Variants in GRIA1 observed in about 807,000 individuals in gnomAD.
The protein encoded by GRIA1 is glutamate receptor 1.
GRIA1 carries 31 observed loss-of-function variants against 99.2 expected under a neutral mutation model. That is an observed-to-expected ratio of 0.31 (90% CI 0.23 to 0.42). GRIA1 has a LOEUF of 0.42. Ranked by LOEUF, GRIA1 falls within the 10% of genes least tolerant of loss-of-function variation. The probability of loss-of-function intolerance (pLI) is 1.00; values close to 1 mark genes in which losing one functional copy is unlikely to be tolerated. For missense variants in GRIA1, 782 were observed against 1,157.5 expected (o/e 0.68, Z 4.71); for synonymous variants, 438 against 432.4 (o/e 1.01, Z -0.16).
In GRIA1 at chr5:153,759,871, G is replaced by A. The variant is rs138929182; in HGVS notation, c.1824-4563G>A. 8.1e-3 allele frequency among the ~76,000 whole-genome samples: 1,234 copies of A among 152,170 alleles called. 7 individuals are homozygous for A. The highest frequency in any genetic ancestry group is 0.014 in the Middle Eastern group (4 of 292). ...CCATAATCAAGTAGGATTCAGCCCA[G>A]GGATGCAAGAATGGTTCAACATATT... On this transcript the variant is annotated intron_variant, in intron 11 of 15. Transcript: ENST00000285900.
intron 11 of GRIA1, among the ~76,000 whole-genome samples, chr5:153,759,746 AAG>A (rs1763057760): frequency 6.6e-6 from 1 of 152,064 alleles, no homozygotes; most frequent in African/African-American, 2.4e-5. Flanking sequence ...CACAACAAAA[AAG>A]AAAACTACAG....
At chr5:153,774,174 G>C (rs895074350) in intron 13 of GRIA1, among the ~76,000 whole-genome samples, 1 of 146,224 alleles carries the variant, frequency 6.8e-6, no homozygotes, top group Non-Finnish European at 1.5e-5. Context: ...AAACTCCAAA[G>C]AGTTATGGCA....
chr5:153,535,586 G>A (rs184932295), intron 2 of GRIA1, among the ~76,000 whole-genome samples: 24 of 152,330 alleles, frequency 1.6e-4, no homozygotes, highest in South Asian at 8.3e-4. Context: ...GGTGAGTAAT[G>A]TGAATGTGAA....
chr5:153,490,576 G>A (rs1238943970), upstream of GRIA1: 2 of 447,080 alleles, frequency 4.5e-6, no homozygotes, highest in East Asian at 4.6e-5. Context: ...GAGAGCAAGG[G>A]AGGGAGAGAG....
At chr5:153,647,617 G>T (rs1251460489) in intron 3 of GRIA1, among the ~76,000 whole-genome samples, 1 of 152,062 alleles carries the variant, frequency 6.6e-6, no homozygotes, top group East Asian at 1.9e-4. Context: ...ATCTTATAAA[G>T]GTTTTGTGAA....
At chr5:153,804,601 A>C (rs1766287838) in intron 15 of GRIA1, among the ~76,000 whole-genome samples, 1 of 152,230 alleles carries the variant, frequency 6.6e-6, no homozygotes, top group Non-Finnish European at 1.5e-5. Flanking sequence ...AAGACACAGT[A>C]CAGCATCATC....
chr5:153,704,742 G>T (rs543857664), intron 10 of GRIA1, among the ~76,000 whole-genome samples: 2 of 152,046 alleles, frequency 1.3e-5, no homozygotes, highest in Non-Finnish European at 2.9e-5. Flanking sequence ...AACTTTATAT[G>T]CCACCTCTTC....
chr5:153,722,648 G>C (rs1189845014), intron 11 of GRIA1, among the ~76,000 whole-genome samples: 3 of 152,144 alleles, frequency 2.0e-5, no homozygotes, highest in African/African-American at 7.2e-5. Context: ...TCTTGATTCT[G>C]TTCTGTTGAT....
At chr5:153,555,516 T>G (rs2149346214) in intron 2 of GRIA1, among the ~76,000 whole-genome samples, 1 of 152,320 alleles carries the variant, frequency 6.6e-6, no homozygotes, top group East Asian at 1.9e-4. Flanking sequence ...TGTAATAGAT[T>G]GTTACATAAC....
intron 5 of GRIA1, among the ~76,000 whole-genome samples, chr5:153,657,247 T>G (rs1755024393): frequency 6.6e-6 from 1 of 152,234 alleles, no homozygotes; most frequent in Admixed American, 6.5e-5. Context: ...GTTTAACATT[T>G]TGAGGAACTC....
chr5:153,701,486 C>T (rs916256353), intron 10 of GRIA1, among the ~76,000 whole-genome samples: 6 of 151,594 alleles, frequency 4.0e-5, no homozygotes, highest in South Asian at 4.2e-4. Flanking sequence ...TGGTAGTGGG[C>T]GCCTGTAGTC....
At chr5:153,775,903 GAA>G (rs35697272) in intron 13 of GRIA1, among the ~76,000 whole-genome samples, 25 of 149,696 alleles carry the variant, frequency 1.7e-4, no homozygotes, top group African/African-American at 4.4e-4. Flanking sequence ...TGCAGAAACG[GAA>G]AAAAAAAAAC....
Position 153,693,193 on chromosome 5 carries a change from G to C in GRIA1, c.1135-4851G>C, listed in dbSNP as rs1449758879. On this transcript the variant is annotated intron_variant, in intron 8 of 15. Transcript: ENST00000285900. The stretch of plus-strand genomic sequence containing the variant: ...ATCCAGCTAACAGATAGGAATGAAA[G>C]AAAATGGCAACTCTGCTGGAGATTT... Among the ~76,000 whole-genome samples, 12 of 152,254 alleles carry C rather than the reference G, an allele frequency of 7.9e-5. No homozygotes were observed. In the East Asian group the frequency reaches 2.3e-3, roughly 29 times the overall value.
intron 2 of GRIA1, among the ~76,000 whole-genome samples, chr5:153,564,322 G>T (rs1177621290): frequency 6.6e-6 from 1 of 152,118 alleles, no homozygotes; most frequent in Non-Finnish European, 1.5e-5. Context: ...CTGGTAAGAA[G>T]TTTTTGTTTG....
rs375108255 is a variant in GRIA1, at chr5:153,811,232, C to T, written c.*7C>T. 1 of 1,609,538 alleles carries T rather than the reference C, an allele frequency of 6.2e-7. No homozygotes were observed. The highest frequency in any genetic ancestry group is 1.1e-5 in the South Asian group (1 of 90,966). On this transcript the variant is annotated 3_prime_UTR_variant, in exon 16 of 16. Coordinates refer to ENST00000285900, the MANE Select transcript of GRIA1 (RefSeq NM_000827.4). ...GGGAGCCACGGGATTGTAACTGGAG[C>T]AGATGGAGACCCCTTGGGGAGCAGG...
At chr5:153,692,500 T>G (rs1757834126) in intron 8 of GRIA1, among the ~76,000 whole-genome samples, 1 of 152,224 alleles carries the variant, frequency 6.6e-6, no homozygotes, top group Non-Finnish European at 1.5e-5. Flanking sequence ...AAAGTTTTTC[T>G]GGAACATAGC....
At chr5:153,647,533 C>G (rs1754245133) in intron 3 of GRIA1, among the ~76,000 whole-genome samples, 1 of 152,152 alleles carries the variant, frequency 6.6e-6, no homozygotes, top group Non-Finnish European at 1.5e-5. Context: ...TCAATTTCAG[C>G]ACTTATATAA....
At chr5:153,692,853 GCA>G (rs752879545) in intron 8 of GRIA1, among the ~76,000 whole-genome samples, 2 of 152,062 alleles carry the variant, frequency 1.3e-5, no homozygotes, top group African/African-American at 2.4e-5. Context: ...CAATCAGAGA[GCA>G]CACTATGCTA....
intron 13 of GRIA1, among the ~76,000 whole-genome samples, chr5:153,778,049 A>G (rs1764377984): frequency 6.6e-6 from 1 of 152,116 alleles, no homozygotes. Flanking sequence ...TCCTCAGAAG[A>G]GCTGGAGAGA....
Sources: gnomAD v4.1 joint callset for allele counts (sites outside exome capture counted in the v4.1 genomes callset) on GRCh38, gnomAD v4.1.1 for gene constraint, MANE v1.5 for transcripts, NCBI Gene and HGNC (gene_info 2026-07-23, HGNC 2026-07-21) for gene names.